KIAA1328: variants seen among roughly 807,000 people sequenced by gnomAD.
The protein encoded by KIAA1328 is KIAA1328, also known as protein hinderin.
A neutral mutation model predicts 68.1 loss-of-function variants in KIAA1328; 52 were observed. That is an observed-to-expected ratio of 0.76 (90% CI 0.61 to 0.96). The LOEUF (loss-of-function observed/expected upper bound fraction) is 0.96. Among genes scored for constraint, KIAA1328 ranks in the 40% least tolerant of loss-of-function variants. The probability of loss-of-function intolerance (pLI) is 0.00; values close to 1 mark genes in which losing one functional copy is unlikely to be tolerated. For missense variants in KIAA1328, 641 were observed against 677.6 expected (o/e 0.95, Z 0.60); for synonymous variants, 232 against 239.4 (o/e 0.97, Z 0.28).
chr18:37,032,443 G>A (rs149383300), intron 6 of KIAA1328, among the ~76,000 whole-genome samples: 1,565 of 151,652 alleles, frequency 0.01, 17 homozygotes, highest in South Asian at 0.03. Flanking sequence ...TTTTCATCTA[G>A]TATCATTTTA....
At chr18:37,108,025 A>G (rs2057822871) in intron 7 of KIAA1328, among the ~76,000 whole-genome samples, 1 of 152,204 alleles carries the variant, frequency 6.6e-6, no homozygotes, top group Non-Finnish European at 1.5e-5. Context: ...GTTACTGGGT[A>G]TATACCTAAA....
chr18:37,117,496 G>A (rs2058146073), intron 7 of KIAA1328, among the ~76,000 whole-genome samples: 1 of 152,184 alleles, frequency 6.6e-6, no homozygotes, highest in African/African-American at 2.4e-5. Flanking sequence ...CCTGTCATGG[G>A]ATTGGGGGAG....
rs537745806 is a variant in KIAA1328 at position 37,173,014 on chromosome 18, A to G, written c.1456A>G (p.Met486Val). 4 of 1,613,690 alleles carry G rather than the reference A, an allele frequency of 2.5e-6. No homozygotes were observed. Among genetic ancestry groups the G allele is most frequent in the South Asian group, 2.2e-5 (2 of 91,074 alleles). The change falls in exon 9 of 10, where the codon ATG becomes GTG. Residue 486 changes from methionine (M) to valine (V), a missense_variant. Met to Val is a conservative substitution (Grantham distance 21). Transcript: ENST00000280020. Reference protein sequence around the residue: ...GVRKDASTSPMPTGSLKDFVT... With the variant: ...GVRKDASTSPVPTGSLKDFVT... ...TAGAAAAGATGCGTCTACATCTCCT[A>G]TGCCAACAGGAAGCCTAAAGGATTT...
At chr18:37,154,593 G>T (rs900615244) in intron 7 of KIAA1328, among the ~76,000 whole-genome samples, 12 of 151,994 alleles carry the variant, frequency 7.9e-5, no homozygotes, top group Non-Finnish European at 1.5e-4. Flanking sequence ...TATCCATATG[G>T]TTGATGTATC....
intron 9 of KIAA1328, among the ~76,000 whole-genome samples, chr18:37,219,156 G>A (rs770489799): frequency 2.2e-4 from 33 of 152,162 alleles, no homozygotes; most frequent in Non-Finnish European, 4.0e-4. Flanking sequence ...CTGCAGAACC[G>A]CAAATATTGC....
intron 9 of KIAA1328, among the ~76,000 whole-genome samples, chr18:37,217,528 G>T (rs980683587): frequency 6.6e-6 from 1 of 152,120 alleles, no homozygotes. Flanking sequence ...AGTTTCTGCC[G>T]AGAGATCAGC....
intron 6 of KIAA1328, among the ~76,000 whole-genome samples, chr18:37,002,099 C>T (rs1475739769): frequency 3.3e-5 from 5 of 151,968 alleles, no homozygotes; most frequent in East Asian, 1.9e-4. Flanking sequence ...TATCTTATAT[C>T]TGGAACAACC....
In KIAA1328 at chr18:37,222,159, A is replaced by G. The variant is rs780600715; in HGVS notation, c.1666A>G (p.Met556Val). The G allele has an allele frequency of 6.2e-7, 1 of 1,607,008 alleles. No individual in the cohort carries two copies. Among genetic ancestry groups the G allele is most frequent in the Non-Finnish European group, 8.5e-7 (1 of 1,176,458 alleles). Residue 556 changes from methionine (M) to valine (V), a missense_variant, in exon 10 of 10, where the codon ATG becomes GTG. Met to Val is a conservative substitution (Grantham distance 21, BLOSUM62 1). Transcript: ENST00000280020. Reference protein sequence around the residue: ...LSPLKSTRKKMGMHRTPEELE... With the variant: ...LSPLKSTRKKVGMHRTPEELE... ...TCCTCTAAAATCAACCCGGAAGAAG[A>G]TGGGGATGCACAGAACCCCTGAAGA...
intron 9 of KIAA1328, among the ~76,000 whole-genome samples, chr18:37,178,717 T>G (rs188018745): frequency 2.6e-5 from 4 of 152,300 alleles, no homozygotes; most frequent in Admixed American, 2.6e-4. Flanking sequence ...TATGAGAGTT[T>G]TCTTTCTCCA....
chr18:37,093,107 AC>A (rs1393671707), intron 7 of KIAA1328, among the ~76,000 whole-genome samples: 2 of 152,220 alleles, frequency 1.3e-5, no homozygotes, highest in Non-Finnish European at 2.9e-5. Context: ...AAGCCAAAGC[AC>A]CCTACTCAGC....
intron 7 of KIAA1328, among the ~76,000 whole-genome samples, chr18:37,119,523 G>C (rs990366355): frequency 6.6e-5 from 10 of 152,084 alleles, no homozygotes; most frequent in African/African-American, 2.4e-4. Context: ...GTCCACCATG[G>C]CTGAGAGAGT....
intron 5 of KIAA1328, among the ~76,000 whole-genome samples, chr18:36,900,489 C>CT (rs2049001761): frequency 6.6e-6 from 1 of 151,884 alleles, no homozygotes; most frequent in East Asian, 1.9e-4. Context: ...ATAATGCACT[C>CT]TTTTCTAATA....
At chr18:36,955,198 C>T (rs1416849053) in intron 5 of KIAA1328, among the ~76,000 whole-genome samples, 1 of 150,630 alleles carries the variant, frequency 6.6e-6, no homozygotes, top group East Asian at 2.0e-4. Flanking sequence ...ATGGCATGAT[C>T]TCAGCTCGGT....
At chr18:36,905,770 T>A (rs754014958) in intron 5 of KIAA1328, among the ~76,000 whole-genome samples, 24 of 152,140 alleles carry the variant, frequency 1.6e-4, no homozygotes, top group Non-Finnish European at 2.8e-4. Context: ...GTGCTCACAT[T>A]ATCATGATGG....
intron 9 of KIAA1328, among the ~76,000 whole-genome samples, chr18:37,184,797 T>G (rs2059763314): frequency 6.6e-6 from 1 of 152,164 alleles, no homozygotes; most frequent in Non-Finnish European, 1.5e-5. Context: ...GAATAAAGTA[T>G]GAAGAAATGA....
chr18:37,227,412 A>G (rs557848603), downstream of KIAA1328, among the ~76,000 whole-genome samples: 2 of 152,258 alleles, frequency 1.3e-5, no homozygotes, highest in South Asian at 2.1e-4. Context: ...GGAGAAGTCA[A>G]TGCCTGGCTT....
intron 7 of KIAA1328, among the ~76,000 whole-genome samples, chr18:37,129,328 C>A (rs1477345997): frequency 6.6e-6 from 1 of 151,984 alleles, no homozygotes; most frequent in Non-Finnish European, 1.5e-5. Context: ...GTGAAAAGAA[C>A]CTGAATTTCC....
chr18:37,229,520 G>A, downstream of KIAA1328: 2 of 1,257,222 alleles, frequency 1.6e-6, no homozygotes, highest in African/African-American at 1.6e-5. Context: ...TCAGAAACTG[G>A]GGTGGGAGGG....
intron 5 of KIAA1328, chr18:36,924,844 A>G (rs2050055593): frequency 6.6e-6 from 1 of 152,180 alleles, no homozygotes; most frequent in Non-Finnish European, 1.5e-5. Context: ...ATAACATTTC[A>G]AGGAGGGTTG....
Sources: gnomAD v4.1 joint callset for allele counts (sites outside exome capture counted in the v4.1 genomes callset) on GRCh38, gnomAD v4.1.1 for gene constraint, MANE v1.5 for transcripts, NCBI Gene and HGNC (gene_info 2026-07-23, HGNC 2026-07-21) for gene names.